UNC13C: variants seen among roughly 807,000 people sequenced by gnomAD.
The protein encoded by UNC13C is protein unc-13 homolog C.
UNC13C carries 174 observed loss-of-function variants against 245.4 expected under a neutral mutation model. The ratio of observed to expected loss-of-function variants is 0.71; its 90% CI spans 0.63 to 0.80. The LOEUF (loss-of-function observed/expected upper bound fraction) is 0.80, where lower values mean the gene tolerates loss of function less well. Among genes scored for constraint, UNC13C ranks in the 30% least tolerant of loss-of-function variants. The pLI is 0.00. For missense variants in UNC13C, 2,829 were observed against 2,602.9 expected (o/e 1.09, Z -1.89); for synonymous variants, 992 against 895.1 (o/e 1.11, Z -1.93).
Position 54,525,015 on chromosome 15 carries a change from G to A in UNC13C, c.5458-534G>A, listed in dbSNP as rs77511348. ...CTATCGTCTCCAGAAAAACATGGGC[G>A]TGCTTGGATACCTTGTCTATCCTAT... On this transcript the variant is annotated intron_variant, in intron 24 of 32. Transcript: ENST00000260323. Among the ~76,000 whole-genome samples the A allele has an allele frequency of 4.2e-3, 633 of 152,240 alleles. 4 individuals are homozygous for A. The highest frequency in any genetic ancestry group is 0.014 in the African/African-American group (596 of 41,542).
intron 19 of UNC13C, among the ~76,000 whole-genome samples, chr15:54,436,793 C>T (rs1890245240): frequency 6.6e-6 from 1 of 151,560 alleles, no homozygotes; most frequent in Admixed American, 6.6e-5. Context: ...AACAAACCTG[C>T]ACGTTCTGCA....
At chr15:54,210,808 A>G (rs570559424) in intron 4 of UNC13C, among the ~76,000 whole-genome samples, 2 of 152,260 alleles carry the variant, frequency 1.3e-5, no homozygotes, top group South Asian at 2.1e-4. Context: ...CTTGTTTGCA[A>G]TGGTTTCCCT....
At chr15:53,985,168 G>A (rs143546567) in intron 1 of UNC13C, among the ~76,000 whole-genome samples, 3,562 of 151,734 alleles carry the variant, frequency 0.023, 197 homozygotes, top group East Asian at 0.19. Flanking sequence ...TCAATGTTCA[G>A]CTCCCACTTA....
chr15:54,028,609 T>C (rs1450200638), intron 2 of UNC13C, among the ~76,000 whole-genome samples: 1 of 150,578 alleles, frequency 6.6e-6, no homozygotes, highest in East Asian at 2.0e-4. Flanking sequence ...TTTTTCCCAG[T>C]GCCCGCCAGT....
chr15:53,906,118 G>C, the UNC13C span, among the ~76,000 whole-genome samples: 4 of 152,090 alleles, frequency 2.6e-5, no homozygotes, highest in Non-Finnish European at 5.9e-5. Context: ...AGGATCCCTT[G>C]AGTCCTGGAG....
At chr15:53,941,569 T>G in the UNC13C span, among the ~76,000 whole-genome samples, 1 of 152,034 alleles carries the variant, frequency 6.6e-6, no homozygotes, top group African/African-American at 2.4e-5. Flanking sequence ...ATATCCGAGG[T>G]CTACAAGGAA....
In UNC13C at chr15:54,356,485, G is replaced by A. The variant is rs142044965; in HGVS notation, c.4713+17996G>A. Among the ~76,000 whole-genome samples, 325 of 152,232 alleles carry A rather than the reference G, an allele frequency of 2.1e-3. 3 individuals are homozygous for A. The highest frequency in any genetic ancestry group is 7.6e-3 in the African/African-American group (315 of 41,544). On this transcript the variant is annotated intron_variant, in intron 17 of 32. Coordinates refer to ENST00000260323, the MANE Select transcript of UNC13C (RefSeq NM_001080534.3). Reference sequence around the variant, plus strand: ...AAACAACAGAGATTTATCGCTCACAGTTCTCAAAGCTGGGAAGTTCAAGAT... The same window carrying A: ...AAACAACAGAGATTTATCGCTCACAATTCTCAAAGCTGGGAAGTTCAAGAT...
chr15:54,299,659 T>C (rs1330094946), intron 12 of UNC13C, among the ~76,000 whole-genome samples: 6 of 152,186 alleles, frequency 3.9e-5, no homozygotes, highest in Non-Finnish European at 7.3e-5. Flanking sequence ...ACTTTGAACA[T>C]GAATAAGGGT....
chr15:54,274,742 G>A (rs939566356), intron 10 of UNC13C, among the ~76,000 whole-genome samples: 4 of 142,070 alleles, frequency 2.8e-5, no homozygotes, highest in Admixed American at 1.5e-4. Flanking sequence ...CGCGATCTCG[G>A]CTCAATGCAA....
intron 30 of UNC13C, among the ~76,000 whole-genome samples, chr15:54,592,403 C>T (rs186797355): frequency 6.6e-6 from 1 of 152,146 alleles, no homozygotes; most frequent in African/African-American, 2.4e-5. Context: ...TATTGAAGTC[C>T]CCCACTATTA....
chr15:54,576,602 A>G (rs577115335), intron 30 of UNC13C, among the ~76,000 whole-genome samples: 56 of 152,280 alleles, frequency 3.7e-4, no homozygotes, highest in Admixed American at 2.6e-3. Flanking sequence ...AATCCAAGCT[A>G]AATGTAAGAA....
At chr15:54,226,807 T>C (rs114802461) in intron 4 of UNC13C, among the ~76,000 whole-genome samples, 3,131 of 152,260 alleles carry the variant, frequency 0.021, 107 homozygotes, top group African/African-American at 0.072. Flanking sequence ...TAGGCACCTG[T>C]GTCTGGACAG....
intron 8 of UNC13C, among the ~76,000 whole-genome samples, chr15:54,253,197 G>A (rs1320448933): frequency 1.3e-5 from 2 of 152,170 alleles, no homozygotes; most frequent in Non-Finnish European, 2.9e-5. Flanking sequence ...ATTTAAGTTA[G>A]GTGTTTCCTT....
chr15:54,370,360 C>T (rs937687468), intron 17 of UNC13C, among the ~76,000 whole-genome samples: 1 of 152,112 alleles, frequency 6.6e-6, no homozygotes, highest in Non-Finnish European at 1.5e-5. Context: ...GAATCACCCT[C>T]AAGTGATTTA....
the UNC13C span, among the ~76,000 whole-genome samples, chr15:53,890,895 T>A: frequency 1.3e-5 from 2 of 152,250 alleles, no homozygotes; most frequent in East Asian, 3.9e-4. Flanking sequence ...TTATGTCTTG[T>A]CTTCTGCTAG....
intron 4 of UNC13C, among the ~76,000 whole-genome samples, chr15:54,160,271 C>T (rs4774687): frequency 0.97 from 146,015 of 151,082 alleles, 70,779 homozygotes; most frequent in East Asian, 1. Flanking sequence ...AGGATTGATA[C>T]AGTGATTTGA....
At chr15:53,944,709 A>T in the UNC13C span, among the ~76,000 whole-genome samples, 1 of 152,204 alleles carries the variant, frequency 6.6e-6, no homozygotes, top group East Asian at 1.9e-4. Flanking sequence ...TGCTATCGTG[A>T]ATAGTGCTGC....
chr15:54,071,122 C>G (rs993263814), intron 2 of UNC13C, among the ~76,000 whole-genome samples: 1 of 152,020 alleles, frequency 6.6e-6, no homozygotes, highest in Non-Finnish European at 1.5e-5. Flanking sequence ...ATGTTCACCC[C>G]AAGTGGCAGA....
intron 17 of UNC13C, among the ~76,000 whole-genome samples, chr15:54,356,145 A>C (rs2039090348): frequency 6.6e-6 from 1 of 152,178 alleles, no homozygotes; most frequent in Non-Finnish European, 1.5e-5. Context: ...GTGGAAATTC[A>C]AGTTGTTTCT....
Sources: allele counts gnomAD v4.1 joint callset (sites outside exome capture counted in the v4.1 genomes callset), GRCh38; gene constraint gnomAD v4.1.1; transcripts MANE v1.5; gene names NCBI Gene and HGNC (gene_info 2026-07-23, HGNC 2026-07-21).